Variants in ANKFN1 observed in about 807,000 individuals in gnomAD.
ANKFN1 encodes the protein ankyrin repeat and fibronectin type-III domain-containing protein 1.
A neutral mutation model predicts 108.7 loss-of-function variants in ANKFN1; 74 were observed. That is an observed-to-expected ratio of 0.68 (90% CI 0.56 to 0.83). The LOEUF (loss-of-function observed/expected upper bound fraction) is 0.83, where lower values mean the gene tolerates loss of function less well. Ranked by LOEUF, ANKFN1 falls within the 40% of genes least tolerant of loss-of-function variation. ANKFN1 has a pLI of 0.00. For missense variants in ANKFN1, 1,505 were observed against 1,382.3 expected, an observed-to-expected ratio of 1.09 and a Z score of -1.41; for synonymous variants, 547 against 516.2, an observed-to-expected ratio of 1.06 and a Z score of -0.81.
At chr17:56,435,724 G>A (rs2048908898) in intron 8 of ANKFN1, among the ~76,000 whole-genome samples, 1 of 150,006 alleles carries the variant, frequency 6.7e-6, no homozygotes, top group South Asian at 2.2e-4. Flanking sequence ...GGGAGAATCT[G>A]CACAACAGCA....
At chr17:56,399,843 TTATATATATA>T (rs71139904) in intron 8 of ANKFN1, among the ~76,000 whole-genome samples, 23 of 64,832 alleles carry the variant, frequency 3.5e-4, no homozygotes, top group African/African-American at 6.8e-4. Context: ...ATTCCATTTT[TTATATATATA>T]TATATATATA....
At chr17:56,210,183 C>T (rs892741906) in intron 1 of ANKFN1, among the ~76,000 whole-genome samples, 5 of 152,024 alleles carry the variant, frequency 3.3e-5, no homozygotes, top group Non-Finnish European at 4.4e-5. Context: ...TTTGCAATTG[C>T]GAATGGTGCT....
chr17:56,065,586 TTTTGGG>T (rs1390988901), intron 4 of ANKFN1, among the ~76,000 whole-genome samples: 1 of 152,182 alleles, frequency 6.6e-6, no homozygotes, highest in Non-Finnish European at 1.5e-5. Context: ...TTAGAAGCTG[TTTTGGG>T]GTTACTAATT....
At chr17:56,212,399 A>G (rs1915083628) in intron 1 of ANKFN1, among the ~76,000 whole-genome samples, 199 bp from the exon 2 acceptor site, 1 of 152,034 alleles carries the variant, frequency 6.6e-6, no homozygotes, top group African/African-American at 2.4e-5. Flanking sequence ...CTACCTGATC[A>G]TGGTGGATTA....
chr17:56,160,695 G>A (rs7217615), intron 1 of ANKFN1, among the ~76,000 whole-genome samples: 3,647 of 152,252 alleles, frequency 0.024, 85 homozygotes, highest in African/African-American at 0.064. Context: ...ATTAGTCTAG[G>A]AGCCAAGTAA....
intron 4 of ANKFN1, among the ~76,000 whole-genome samples, chr17:56,108,517 CT>C (rs1329603831): frequency 5.9e-5 from 9 of 152,314 alleles, no homozygotes; most frequent in African/African-American, 1.4e-4. Flanking sequence ...TCAAATCCCC[CT>C]GATAACCCCA....
chr17:56,289,810 C>A (rs1315427874), intron 3 of ANKFN1, among the ~76,000 whole-genome samples: 2 of 152,184 alleles, frequency 1.3e-5, no homozygotes. Flanking sequence ...TAACCAAAAT[C>A]CCAAATCCCT....
chr17:56,096,629 G>A (rs970770171), intron 4 of ANKFN1, among the ~76,000 whole-genome samples: 9 of 152,226 alleles, frequency 5.9e-5, no homozygotes, highest in Admixed American at 3.3e-4. Context: ...CGAGGTTGCA[G>A]AGAAAAGAGA....
chr17:56,407,144 C>G (rs1374744031), intron 8 of ANKFN1, among the ~76,000 whole-genome samples: 1 of 152,078 alleles, frequency 6.6e-6, no homozygotes, highest in Non-Finnish European at 1.5e-5. Flanking sequence ...AAGCATGGAA[C>G]CCAGAAAGAG....
chr17:56,127,241 C>G (rs747058730), intron 4 of ANKFN1, among the ~76,000 whole-genome samples: 1 of 152,154 alleles, frequency 6.6e-6, no homozygotes, highest in Admixed American at 6.5e-5. Flanking sequence ...ATATATTGTC[C>G]TCATATGTAG....
intron 3 of ANKFN1, among the ~76,000 whole-genome samples, chr17:56,280,634 C>T (rs985907809): frequency 1.3e-5 from 2 of 152,200 alleles, no homozygotes; most frequent in South Asian, 2.1e-4. Flanking sequence ...AATAAATCTC[C>T]GATATATCTA....
At chr17:56,380,614 C>T (rs1335871283) in intron 8 of ANKFN1, among the ~76,000 whole-genome samples, 12 of 152,218 alleles carry the variant, frequency 7.9e-5, no homozygotes, top group African/African-American at 2.7e-4. Flanking sequence ...GCTTAAAAAA[C>T]AGCGCACCAG....
At chr17:56,320,787 C>G (rs2045343592) in intron 3 of ANKFN1, among the ~76,000 whole-genome samples, 1 of 152,064 alleles carries the variant, frequency 6.6e-6, no homozygotes, top group African/African-American at 2.4e-5. Context: ...TAAGAGAATC[C>G]CGTTTCTCAA....
chr17:56,288,357 GT>G (rs1219476043), intron 3 of ANKFN1, among the ~76,000 whole-genome samples: 4 of 150,972 alleles, frequency 2.6e-5, no homozygotes, highest in Non-Finnish European at 4.4e-5. Flanking sequence ...CTTTTGTTTT[GT>G]TTTGTTTTGT....
At chr17:56,501,842 G>A (rs1046522418) in intron 20 of ANKFN1, among the ~76,000 whole-genome samples, 4 of 152,180 alleles carry the variant, frequency 2.6e-5, no homozygotes, top group Non-Finnish European at 4.4e-5. Flanking sequence ...AAAATGTGTA[G>A]AGAAAGGTTA....
Position 56,323,739 on chromosome 17 carries a change from A to G in ANKFN1, c.54-2482A>G, listed in dbSNP as rs948950706. On this transcript the variant is annotated intron_variant, in intron 3 of 20. Transcript: ENST00000682825. Reference sequence around the variant, plus strand: ...TTCATTCAATAAATACATGCTAAGCACTTCAACAAAACATCAAATATTTAT... The same window carrying G: ...TTCATTCAATAAATACATGCTAAGCGCTTCAACAAAACATCAAATATTTAT... Among the ~76,000 whole-genome samples, 4 of 152,324 alleles carry G rather than the reference A, an allele frequency of 2.6e-5. No individual in the cohort carries two copies. The South Asian group carries it at 8.3e-4, about 32-fold the overall frequency.
chr17:56,278,680 T>A (rs2043996191), intron 3 of ANKFN1, among the ~76,000 whole-genome samples: 1 of 152,224 alleles, frequency 6.6e-6, no homozygotes, highest in Non-Finnish European at 1.5e-5. Flanking sequence ...AGAGAATGGA[T>A]CTTTTATTGG....
rs1201548576 is a variant in ANKFN1 at position 56,477,580 on chromosome 17, C to A, written c.1866C>A (p.Ile622=). The A allele has an allele frequency of 6.2e-7, 1 of 1,611,760 alleles. No homozygotes were observed. Among genetic ancestry groups the A allele is most frequent in the African/African-American group, 1.3e-5 (1 of 74,734 alleles). ...AGCTCTGTAGCTCTGTGGATCAAAT[C>A]AAAGTTCTTGTTACCCAAAAGTTGC... ...YLKLCSSVDQ[I]KVLVTQKLPN... Residue 622 remains isoleucine (I), a synonymous_variant, in exon 16 of 21, where the codon ATC becomes ATA. Transcript: ENST00000682825.
chr17:56,218,654 C>G (rs537424053), intron 2 of ANKFN1, among the ~76,000 whole-genome samples: 40 of 152,294 alleles, frequency 2.6e-4, no homozygotes, highest in African/African-American at 9.6e-4. Flanking sequence ...CATCACTGCT[C>G]TGGGAGAGTG....
Sources: allele counts gnomAD v4.1 joint callset (sites outside exome capture counted in the v4.1 genomes callset), GRCh38; gene constraint gnomAD v4.1.1; transcripts MANE v1.5; gene names NCBI Gene and HGNC (gene_info 2026-07-23, HGNC 2026-07-21).